TRHDE: variants seen among roughly 807,000 people sequenced by gnomAD.
TRHDE encodes the protein thyrotropin releasing hormone degrading enzyme, also known as thyrotropin-releasing hormone-degrading ectoenzyme.
In TRHDE, 72 loss-of-function variants were observed where a neutral mutation model predicts 125.7. The observed-to-expected ratio is 0.57, with a 90% CI of 0.47 to 0.70. The LOEUF (loss-of-function observed/expected upper bound fraction) is 0.70, where lower values mean the gene tolerates loss of function less well. Ranked by LOEUF, TRHDE falls within the 30% of genes least tolerant of loss-of-function variation. TRHDE has a pLI of 0.00. For synonymous variants in TRHDE, 509 were observed against 509.1 expected (o/e 1.00, Z 0.00); for missense variants, 1,110 against 1,327.1 (o/e 0.84, Z 2.54).
chr12:72,467,005 C>T (rs186531688), intron 3 of TRHDE, among the ~76,000 whole-genome samples: 1 of 152,184 alleles, frequency 6.6e-6, no homozygotes, highest in East Asian at 1.9e-4. Flanking sequence ...CTATATTGAG[C>T]AAAGGAGATG....
intron 18 of TRHDE, 81 bp from the exon 19 acceptor site, chr12:72,662,971 A>G: frequency 7.1e-7 from 1 of 1,413,236 alleles, no homozygotes; most frequent in East Asian, 2.3e-5. Context: ...TAATGTTTCA[A>G]ATAGATTCTT....
intron 4 of TRHDE, 32 bp downstream of exon 4, chr12:72,469,944 T>G (rs1592468867): frequency 6.3e-7 from 1 of 1,597,002 alleles, no homozygotes; most frequent in Non-Finnish European, 8.5e-7. Flanking sequence ...GTAAGTATAA[T>G]GTGAAAGCTA....
At chr12:72,119,459 T>C (rs775682884) in intron 2 of TRHDE, among the ~76,000 whole-genome samples, 3 of 152,228 alleles carry the variant, frequency 2.0e-5, no homozygotes, top group Non-Finnish European at 4.4e-5. Context: ...GCCTAACATA[T>C]GGTCTATCTT....
At chr12:72,543,531 A>T (rs970707598) in intron 7 of TRHDE, among the ~76,000 whole-genome samples, 1 of 151,400 alleles carries the variant, frequency 6.6e-6, no homozygotes, top group Non-Finnish European at 1.5e-5. Context: ...AGTATCCTTC[A>T]TGAATATCAG....
chr12:72,553,107 GAAATTTGA>G (rs1475570039), intron 7 of TRHDE, among the ~76,000 whole-genome samples: 5 of 152,152 alleles, frequency 3.3e-5, no homozygotes, highest in Non-Finnish European at 7.3e-5. Flanking sequence ...GGGAAGTGGA[GAAATTTGA>G]AAATAGAGAA....
At chr12:72,154,801 G>A (rs184190255) in intron 2 of TRHDE, among the ~76,000 whole-genome samples, 4,689 of 152,252 alleles carry the variant, frequency 0.031, 124 homozygotes, top group African/African-American at 0.068. Context: ...GGGTAACCCA[G>A]CCTTTCTCTC....
At chr12:72,360,626 A>G (rs965717887) in intron 2 of TRHDE, among the ~76,000 whole-genome samples, 3 of 151,778 alleles carry the variant, frequency 2.0e-5, no homozygotes, top group Non-Finnish European at 4.4e-5. Flanking sequence ...TACTGGTAAG[A>G]TGTAAATTGG....
chr12:72,431,422 A>C (rs1008228081), intron 3 of TRHDE, among the ~76,000 whole-genome samples: 2 of 152,154 alleles, frequency 1.3e-5, no homozygotes, highest in Admixed American at 6.6e-5. Context: ...GTTGTTATGA[A>C]GTTGAACTGC....
intron 1 of TRHDE, among the ~76,000 whole-genome samples, chr12:72,095,283 T>G (rs1874887329): frequency 6.6e-6 from 1 of 152,206 alleles, no homozygotes; most frequent in African/African-American, 2.4e-5. Context: ...CCTACTTTTA[T>G]TTAAATAGCA....
At chr12:72,503,277 A>G (rs764611529) in intron 6 of TRHDE, among the ~76,000 whole-genome samples, 31 of 152,220 alleles carry the variant, frequency 2.0e-4, no homozygotes, top group Non-Finnish European at 3.5e-4. Flanking sequence ...AAAGGTAAGT[A>G]TGTTGAGTTA....
chr12:72,096,954 C>T (rs978443688), intron 1 of TRHDE, among the ~76,000 whole-genome samples: 1 of 152,172 alleles, frequency 6.6e-6, no homozygotes, highest in African/African-American at 2.4e-5. Flanking sequence ...GAAAAGAGTG[C>T]TAACAAAACT....
At chr12:72,199,239 T>C (rs1378630455) in intron 2 of TRHDE, among the ~76,000 whole-genome samples, 1 of 152,116 alleles carries the variant, frequency 6.6e-6, no homozygotes, top group African/African-American at 2.4e-5. Context: ...TTCTATATAT[T>C]ATTTCATTTA....
At chr12:72,166,290 T>A (rs959003110) in intron 2 of TRHDE, among the ~76,000 whole-genome samples, 1 of 150,588 alleles carries the variant, frequency 6.6e-6, no homozygotes, top group South Asian at 2.1e-4. Context: ...CACATGACTG[T>A]GTATGTACAT....
chr12:72,652,520 T>C, intron 16 of TRHDE, 31 bp downstream of exon 16: 1 of 1,538,722 alleles, frequency 6.5e-7, no homozygotes, highest in South Asian at 1.2e-5. Flanking sequence ...AATGTGTTTC[T>C]CTAATGAAAG....
intron 2 of TRHDE, among the ~76,000 whole-genome samples, chr12:72,145,379 A>G (rs530024157): frequency 5.9e-5 from 9 of 152,280 alleles, no homozygotes; most frequent in African/African-American, 1.9e-4. Context: ...CTTAGATTCC[A>G]TCTTGAGGAA....
intron 10 of TRHDE, among the ~76,000 whole-genome samples, chr12:72,568,869 A>T (rs1362478213): frequency 6.6e-6 from 1 of 152,178 alleles, no homozygotes; most frequent in African/African-American, 2.4e-5. Context: ...TGTTTCTTTA[A>T]TGGTAAAGAG....
At chr12:72,657,506 G>A (rs781431019) in intron 18 of TRHDE, among the ~76,000 whole-genome samples, 9 of 152,118 alleles carry the variant, frequency 5.9e-5, no homozygotes, top group South Asian at 2.1e-4. Context: ...ATTCTTAAGC[G>A]TAGAAAGGAG....
chr12:72,595,686 C>A (rs1020570070), intron 12 of TRHDE, among the ~76,000 whole-genome samples: 1 of 152,012 alleles, frequency 6.6e-6, no homozygotes, highest in Non-Finnish European at 1.5e-5. Flanking sequence ...AATATGTGAC[C>A]TTGAGCAAGT....
At chr12:72,372,372 G>A (rs578055490) in intron 2 of TRHDE, among the ~76,000 whole-genome samples, 1 of 152,016 alleles carries the variant, frequency 6.6e-6, no homozygotes, top group South Asian at 2.1e-4. Context: ...TTTCTTTTGT[G>A]TGCAGAAGCT....
Sources: gnomAD v4.1 joint callset for allele counts (sites outside exome capture counted in the v4.1 genomes callset) on GRCh38, gnomAD v4.1.1 for gene constraint, MANE v1.5 for transcripts, NCBI Gene and HGNC (gene_info 2026-07-23, HGNC 2026-07-21) for gene names.